Variants in TMEM38B observed in about 807,000 individuals in gnomAD.
The protein encoded by TMEM38B is trimeric intracellular cation channel type B.
TMEM38B carries 24 observed loss-of-function variants against 28.7 expected under a neutral mutation model. The observed-to-expected ratio is 0.84, with a 90% confidence interval of 0.61 to 1.18. The LOEUF (loss-of-function observed/expected upper bound fraction) is 1.18, where lower values mean the gene tolerates loss of function less well. Among genes scored for constraint, TMEM38B ranks in the 50% most tolerant of loss-of-function variants. The probability of loss-of-function intolerance (pLI) is 0.00; values close to 1 mark genes in which losing one functional copy is unlikely to be tolerated. For synonymous variants in TMEM38B, 131 were observed against 127.7 expected, an observed-to-expected ratio of 1.03 and a Z score of -0.17; for missense variants, 380 against 350.9, an observed-to-expected ratio of 1.08 and a Z score of -0.66.
intron 2 of TMEM38B, among the ~76,000 whole-genome samples, chr9:105,712,393 C>A (rs1181720094): frequency 6.6e-6 from 1 of 152,132 alleles, no homozygotes; most frequent in Non-Finnish European, 1.5e-5. Flanking sequence ...AAATGGTTAA[C>A]CCTTAATTTC....
Position 105,762,677 on chromosome 9 carries a change from T to A in TMEM38B, c.661-11188T>A, listed in dbSNP as rs1191555156. 8.1e-3 allele frequency among the ~76,000 whole-genome samples: 1,090 copies of A among 134,902 alleles called. 18 individuals are homozygous for A. The highest frequency in any genetic ancestry group is 0.03 in the African/African-American group (1,023 of 34,172). 88.5% of individuals were successfully genotyped at this position (134,902 alleles called of 152,430 possible). ...TATCATTGTTGGACATTTGGGTTGG[T>A]TCCAAGTCTTTGCTATTGTGAATAA... On this transcript the variant is annotated intron_variant, in intron 5 of 5. Transcript: ENST00000374692.
intron 4 of TMEM38B, among the ~76,000 whole-genome samples, chr9:105,731,295 TTTATTATTA>T (rs141356793): frequency 4.7e-5 from 7 of 149,610 alleles, no homozygotes; most frequent in South Asian, 2.1e-4. Context: ...AAAGAACATC[TTTATTATTA>T]TTATTATTAT....
At chr9:105,750,438 A>G (rs1484651248) in intron 5 of TMEM38B, among the ~76,000 whole-genome samples, 2 of 152,146 alleles carry the variant, frequency 1.3e-5, no homozygotes, top group Admixed American at 6.6e-5. Context: ...AGACTAGCCA[A>G]CATGGTGAAA....
intron 5 of TMEM38B, among the ~76,000 whole-genome samples, chr9:105,763,162 T>A (rs2068294875): frequency 6.6e-6 from 1 of 151,610 alleles, no homozygotes. Flanking sequence ...ATATTAGCCC[T>A]TTGTCAGATG....
At chr9:105,737,510 T>A (rs1180565992) in intron 4 of TMEM38B, among the ~76,000 whole-genome samples, 1 of 152,144 alleles carries the variant, frequency 6.6e-6, no homozygotes, top group African/African-American at 2.4e-5. Context: ...AGCACAGCTG[T>A]GTCTTGGGCC....
intron 4 of TMEM38B, among the ~76,000 whole-genome samples, chr9:105,736,682 G>A (rs1001290316): frequency 6.6e-6 from 1 of 151,956 alleles, no homozygotes. Context: ...TTCCTATTTT[G>A]TGTGTCCTGT....
chr9:105,711,556 C>G (rs1004111119), intron 2 of TMEM38B, among the ~76,000 whole-genome samples: 1 of 151,512 alleles, frequency 6.6e-6, no homozygotes, highest in Non-Finnish European at 1.5e-5. Flanking sequence ...TCAAGAAATA[C>G]AACTTTGCGC....
intron 4 of TMEM38B, among the ~76,000 whole-genome samples, chr9:105,733,315 C>A (rs952440989): frequency 6.6e-5 from 10 of 151,978 alleles, no homozygotes; most frequent in African/African-American, 2.4e-4. Context: ...TGATGGACAC[C>A]TAGGTGGTTC....
intron 4 of TMEM38B, among the ~76,000 whole-genome samples, chr9:105,746,668 G>A (rs1314440463): frequency 6.6e-6 from 1 of 152,102 alleles, no homozygotes; most frequent in Admixed American, 6.5e-5. Flanking sequence ...TTTTCACAGG[G>A]AATGCTTCCA....
At chr9:105,709,469 A>G (rs937593652) in intron 2 of TMEM38B, among the ~76,000 whole-genome samples, 5 of 152,222 alleles carry the variant, frequency 3.3e-5, no homozygotes, top group African/African-American at 7.2e-5. Context: ...GTAACGAATA[A>G]TACATCTCAA....
At chr9:105,764,926 C>T (rs548378767) in intron 5 of TMEM38B, among the ~76,000 whole-genome samples, 13 of 152,198 alleles carry the variant, frequency 8.5e-5, no homozygotes, top group South Asian at 4.2e-4. Context: ...GAAATAACGC[C>T]GCATATGTAC....
At chr9:105,699,681 A>G (rs1835400455) in intron 1 of TMEM38B, among the ~76,000 whole-genome samples, 1 of 152,152 alleles carries the variant, frequency 6.6e-6, no homozygotes, top group Admixed American at 6.5e-5. Flanking sequence ...CTTTTGCTTC[A>G]TAAGCAAAGA....
At chr9:105,698,613 A>C (rs1182683783) in intron 1 of TMEM38B, among the ~76,000 whole-genome samples, 1 of 152,070 alleles carries the variant, frequency 6.6e-6, no homozygotes. Flanking sequence ...TTAATTCATT[A>C]GGGATTTTGA....
intron 1 of TMEM38B, among the ~76,000 whole-genome samples, chr9:105,698,688 A>G (rs1211672055): frequency 6.6e-6 from 1 of 152,038 alleles, no homozygotes; most frequent in African/African-American, 2.4e-5. Context: ...CTATTAGGTT[A>G]TTTTATTGTG....
chr9:105,710,123 T>C (rs1364862661), intron 2 of TMEM38B, among the ~76,000 whole-genome samples: 33 of 152,228 alleles, frequency 2.2e-4, no homozygotes, highest in Non-Finnish European at 1.5e-5. Context: ...AACATTCTTT[T>C]ATCTTTTCAG....
chr9:105,704,021 G>T (rs551429735), intron 1 of TMEM38B, among the ~76,000 whole-genome samples: 214 of 143,804 alleles, frequency 1.5e-3, no homozygotes, highest in African/African-American at 5.2e-3. Context: ...TCATAGGTGG[G>T]AATTGAACAA....
chr9:105,728,416 A>G (rs928752719), intron 4 of TMEM38B, among the ~76,000 whole-genome samples: 44 of 152,214 alleles, frequency 2.9e-4, no homozygotes, highest in African/African-American at 9.9e-4. Context: ...TGTAAAGGAC[A>G]TGAACTCATC....
intron 2 of TMEM38B, among the ~76,000 whole-genome samples, chr9:105,716,432 C>T (rs571452863): frequency 3.4e-4 from 51 of 150,766 alleles, no homozygotes; most frequent in Middle Eastern, 3.5e-3. Context: ...AGTGAATACC[C>T]GTTAGCTATT....
intron 2 of TMEM38B, among the ~76,000 whole-genome samples, chr9:105,709,067 A>T (rs1287327656): frequency 1.3e-5 from 2 of 151,922 alleles, no homozygotes; most frequent in African/African-American, 2.4e-5. Context: ...GTACATGTAA[A>T]TCACTAAAAA....
Sources: allele counts gnomAD v4.1 joint callset (sites outside exome capture counted in the v4.1 genomes callset), GRCh38; gene constraint gnomAD v4.1.1; transcripts MANE v1.5; gene names NCBI Gene and HGNC (gene_info 2026-07-23, HGNC 2026-07-21).